The following ECM2 variants were observed in gnomAD, a reference collection of about 807,000 sequenced individuals.
ECM2 encodes the protein extracellular matrix protein 2, female organ and adipocyte specific.
ECM2 carries 57 observed loss-of-function variants against 67.5 expected under a neutral mutation model. The ratio of observed to expected loss-of-function variants is 0.84; its 90% CI spans 0.68 to 1.05. The LOEUF is 1.05. ECM2 is among the 50% of genes least tolerant of loss of function. The pLI is 0.00. For missense variants in ECM2, 741 were observed against 822.8 expected, an observed-to-expected ratio of 0.90 and a Z score of 1.22; for synonymous variants, 258 against 294.5, an observed-to-expected ratio of 0.88 and a Z score of 1.27.
chr9:92,512,339 C>G (rs1250172956), intron 4 of ECM2, among the ~76,000 whole-genome samples: 2 of 152,182 alleles, frequency 1.3e-5, no homozygotes, highest in Non-Finnish European at 2.9e-5. Context: ...GACATTTTCT[C>G]TCTAAGGATT....
the ECM2 span, among the ~76,000 whole-genome samples, chr9:92,551,940 T>TA: frequency 6.2e-5 from 7 of 113,386 alleles, no homozygotes; most frequent in African/African-American, 2.0e-4. Context: ...TATATATATA[T>TA]ATATATATAT....
intron 1 of ECM2, chr9:92,528,025 G>A (rs1273916417): frequency 6.6e-6 from 1 of 152,556 alleles, no homozygotes; most frequent in Non-Finnish European, 1.5e-5. Context: ...CTTTTGGAGA[G>A]TCTGTGAAGT....
chr9:92,555,259 C>T, the ECM2 span, among the ~76,000 whole-genome samples: 2 of 99,902 alleles, frequency 2.0e-5, no homozygotes, highest in Non-Finnish European at 3.7e-5. Context: ...TGGAGTTTCG[C>T]TCTTGTTGTC....
chr9:92,495,600 GTTTAAC>G lies in ECM2; in HGVS notation c.*709_*714del, dbSNP rs1392763642. ...ATAGTGAAGGTAATCTTAATATACTGTTTAACTTTAAAAAATAATTTTAGAATTATA... is the reference window on the plus strand; with the variant it reads ...ATAGTGAAGGTAATCTTAATATACTGTTTAAAAAATAATTTTAGAATTATA... On this transcript the variant is annotated 3_prime_UTR_variant, in exon 10 of 10. Coordinates refer to ENST00000344604, the MANE Select transcript of ECM2 (RefSeq NM_001393.4). The G allele has an allele frequency of 2.1e-6, 2 of 968,308 alleles. No homozygotes were observed. Among genetic ancestry groups the G allele is most frequent in the Non-Finnish European group, 2.5e-6 (2 of 814,514 alleles). The allele number at this position is 968,308 out of a possible 1,614,324, so 60.0% of individuals were successfully genotyped here. A position where few individuals can be genotyped will look rare whatever the true frequency, so the allele number is the denominator to read the frequency against.
chr9:92,551,940 TA>T, the ECM2 span, among the ~76,000 whole-genome samples: 23,786 of 113,330 alleles, frequency 0.21, 5,319 homozygotes, highest in African/African-American at 0.5. Context: ...TATATATATA[TA>T]TATATATATA....
chr9:92,509,053 A>T (rs1387633646), intron 6 of ECM2, among the ~76,000 whole-genome samples: 1 of 151,806 alleles, frequency 6.6e-6, no homozygotes, highest in African/African-American at 2.4e-5. Flanking sequence ...TTCTATACAG[A>T]GTCACAATAT....
At chr9:92,523,091 T>C (rs970727593) in intron 1 of ECM2, among the ~76,000 whole-genome samples, 198 bp from the exon 2 acceptor site, 1 of 152,060 alleles carries the variant, frequency 6.6e-6, no homozygotes, top group East Asian at 1.9e-4. Context: ...TTTTTTTTTT[T>C]TTAAATAGAG....
the ECM2 span, among the ~76,000 whole-genome samples, chr9:92,554,070 A>C: frequency 2.6e-5 from 4 of 152,150 alleles, no homozygotes; most frequent in African/African-American, 9.7e-5. Flanking sequence ...TTATTACATT[A>C]AGGTATTTCC....
chr9:92,496,180 G>A lies in ECM2; in HGVS notation c.*135C>T. ...AGGTATATTTTGGTTGTTCATCTGT[G>A]TGTTAGTGAATCAGGTTGACTAGCA... On this transcript the variant is annotated 3_prime_UTR_variant, in exon 10 of 10. Coordinates refer to ENST00000344604, the MANE Select transcript of ECM2 (RefSeq NM_001393.4). 2 of 1,391,444 alleles carry A rather than the reference G, an allele frequency of 1.4e-6. No homozygotes were observed. The highest frequency in any genetic ancestry group is 1.9e-6 in the Non-Finnish European group (2 of 1,079,472). 86.2% of individuals were successfully genotyped at this position (1,391,444 alleles called of 1,614,324 possible).
At chr9:92,539,546 A>G (rs1178489375), upstream of ECM2, among the ~76,000 whole-genome samples, 1 of 152,034 alleles carries the variant, frequency 6.6e-6, no homozygotes, top group Non-Finnish European at 1.5e-5. Flanking sequence ...GAAATTAAGT[A>G]TAGCCTACTT....
intron 2 of ECM2, among the ~76,000 whole-genome samples, chr9:92,520,076 A>G (rs944131581): frequency 1.3e-5 from 1 of 79,442 alleles, no homozygotes; most frequent in Non-Finnish European, 2.4e-5. Flanking sequence ...GAGGCCAGGA[A>G]TTTGAGAACG....
chr9:92,534,012 T>A (rs1273219125), intron 1 of ECM2, among the ~76,000 whole-genome samples: 2 of 152,198 alleles, frequency 1.3e-5, no homozygotes, highest in Non-Finnish European at 2.9e-5. Flanking sequence ...GTTTTTGCTG[T>A]TTAATGTATC....
upstream of ECM2, among the ~76,000 whole-genome samples, chr9:92,540,199 G>A (rs561319768): frequency 6.6e-6 from 1 of 152,312 alleles, no homozygotes; most frequent in East Asian, 1.9e-4. Flanking sequence ...TGCACTTCGG[G>A]AGGCCGAAGC....
At chr9:92,526,322 A>AC (rs1396346387) in intron 1 of ECM2, among the ~76,000 whole-genome samples, 3 of 152,254 alleles carry the variant, frequency 2.0e-5, no homozygotes, top group Non-Finnish European at 4.4e-5. Context: ...CAACTGTACA[A>AC]TGTATTTGTG....
the ECM2 span, among the ~76,000 whole-genome samples, chr9:92,550,194 G>A: frequency 2.6e-5 from 4 of 152,122 alleles, no homozygotes; most frequent in South Asian, 4.1e-4. Context: ...TCAGGAGATC[G>A]AGACCATCCT....
At chr9:92,558,796 T>C in the ECM2 span, among the ~76,000 whole-genome samples, 1 of 151,790 alleles carries the variant, frequency 6.6e-6, no homozygotes. Context: ...TCTCCTTGGG[T>C]GGGTCTTGCT....
At position 92,505,688 on chromosome 9, in the gene ECM2, A is replaced by G. The variant is rs555157765; in HGVS notation, c.1309T>C (p.Leu437=). The G allele has an allele frequency of 4.1e-5, 65 of 1,566,684 alleles. 1 individual carries two copies. The South Asian group carries it at 7.3e-4, about 18-fold the overall frequency. ...AATTCTAAGGTGACCAACTGATTTA[A>G]GTCTATAAAAAATAAAAGTATTAGA... is the stretch of plus-strand genomic sequence containing the variant. The part of the protein sequence containing the change: ...QAIDEESLSD[L]NQLVTLELEG... The change falls in exon 7 of 10, where the codon TTA becomes CTA. Residue 437 remains leucine, a splice_region_variant and synonymous_variant. Transcript: ENST00000344604.
At chr9:92,511,840 C>T (rs1847362921) in intron 5 of ECM2, among the ~76,000 whole-genome samples, 171 bp downstream of exon 5, 1 of 152,152 alleles carries the variant, frequency 6.6e-6, no homozygotes, top group Non-Finnish European at 1.5e-5. Flanking sequence ...AAATAGTAAA[C>T]TATATTCAAG....
chr9:92,545,120 C>T, the ECM2 span, among the ~76,000 whole-genome samples: 1 of 152,240 alleles, frequency 6.6e-6, no homozygotes, highest in South Asian at 2.1e-4. Context: ...TTGGCACCTC[C>T]TCAGCCTCAG....
Sources: gnomAD v4.1 joint callset for allele counts (sites outside exome capture counted in the v4.1 genomes callset) on GRCh38, gnomAD v4.1.1 for gene constraint, MANE v1.5 for transcripts, NCBI Gene and HGNC (gene_info 2026-07-23, HGNC 2026-07-21) for gene names.